Variants in SCAPER observed in about 807,000 individuals in gnomAD.
SCAPER encodes the protein S-phase cyclin A associated protein in the ER.
In SCAPER, 98 loss-of-function variants were observed where a neutral mutation model predicts 182.2. The ratio of observed to expected loss-of-function variants is 0.54; its 90% CI spans 0.46 to 0.64. The LOEUF is 0.64. Among genes scored for constraint, SCAPER ranks in the 30% least tolerant of loss-of-function variants. The pLI, the probability that SCAPER is intolerant of heterozygous loss-of-function variation, is 0.00. For synonymous variants in SCAPER, 605 were observed against 564.6 expected, an observed-to-expected ratio of 1.07 and a Z score of -1.01; for missense variants, 1,432 against 1,690.0, an observed-to-expected ratio of 0.85 and a Z score of 2.68.
chr15:76,819,656 G>A (rs535264427), intron 5 of SCAPER, among the ~76,000 whole-genome samples: 23 of 152,114 alleles, frequency 1.5e-4, no homozygotes, highest in Non-Finnish European at 2.6e-4. Context: ...AGAAAAACCG[G>A]AAACTCTAAA....
At chr15:76,651,894 AATCCAGCAGCACATTAAAAAGTT>A (rs771597963) in intron 21 of SCAPER, among the ~76,000 whole-genome samples, 72 of 152,132 alleles carry the variant, frequency 4.7e-4, no homozygotes, top group Admixed American at 7.2e-4. Context: ...TAGCAAATAA[AATCCAGCAGCACATTAAAAAGTT>A]AACACACCAC....
At chr15:76,785,442 A>C (rs1367191045) in intron 8 of SCAPER, among the ~76,000 whole-genome samples, 1 of 152,262 alleles carries the variant, frequency 6.6e-6, no homozygotes, top group Admixed American at 6.5e-5. Context: ...AGTGTAAATT[A>C]GTTCAACCAC....
chr15:76,762,862 G>A lies in SCAPER; in HGVS notation c.1725+2099C>T, dbSNP rs534148903. Among the ~76,000 whole-genome samples, 10 of 152,148 alleles carry A rather than the reference G, an allele frequency of 6.6e-5. No individual in the cohort carries two copies. In the South Asian group the frequency reaches 8.3e-4, roughly 13 times the overall value. The stretch of plus-strand genomic sequence containing the variant: ...TGTAGAGATAAAGTCTTGCTATGTC[G>A]TCCAGGCTGGTGTGAGACACCTGGC... On this transcript the variant is annotated intron_variant, in intron 14 of 31. Transcript: ENST00000563290.
At chr15:76,554,224 G>T (rs766402989) in intron 23 of SCAPER, among the ~76,000 whole-genome samples, 1 of 152,148 alleles carries the variant, frequency 6.6e-6, no homozygotes, top group Non-Finnish European at 1.5e-5. Flanking sequence ...CCAAGCTGAG[G>T]AAAGAATCTC....
chr15:76,813,249 A>AAAAAAC (rs1568220122), intron 5 of SCAPER, among the ~76,000 whole-genome samples: 5 of 60,120 alleles, frequency 8.3e-5, no homozygotes, highest in Non-Finnish European at 1.9e-4. Flanking sequence ...AAAAAAAAAA[A>AAAAAAC]AAAAAACAAC....
At chr15:76,879,968 C>T (rs954022789) in intron 2 of SCAPER, among the ~76,000 whole-genome samples, 1 of 152,090 alleles carries the variant, frequency 6.6e-6, no homozygotes, top group African/African-American at 2.4e-5. Context: ...TGGTGTCTGG[C>T]ACATAAATAT....
Position 76,833,703 on chromosome 15 carries a change from G to A in SCAPER, c.393+8031C>T, listed in dbSNP as rs192792770. ...AGCAAACAGAAAACAAAAAAAACAG[G>A]AGTTGTCGTTATTTCAGACAAAACA... On this transcript the variant is annotated intron_variant, in intron 5 of 31. Transcript: ENST00000563290. 1.1e-3 allele frequency among the ~76,000 whole-genome samples: 173 copies of A among 152,216 alleles called. 1 individual carries two copies. The highest frequency in any genetic ancestry group is 4.0e-3 in the African/African-American group (166 of 41,550).
At chr15:76,366,168 G>A (rs1175481329) in intron 29 of SCAPER, among the ~76,000 whole-genome samples, 1 of 152,056 alleles carries the variant, frequency 6.6e-6, no homozygotes, top group Non-Finnish European at 1.5e-5. Flanking sequence ...ATATGTGCAT[G>A]GAGGCACAGG....
intron 23 of SCAPER, among the ~76,000 whole-genome samples, chr15:76,561,670 T>C (rs2046633434): frequency 6.6e-6 from 1 of 151,994 alleles, no homozygotes; most frequent in South Asian, 2.1e-4. Flanking sequence ...CTCAAGAAAT[T>C]ATGCATCTAT....
At chr15:76,492,000 TTAA>T (rs1430473484) in intron 24 of SCAPER, among the ~76,000 whole-genome samples, 2 of 152,248 alleles carry the variant, frequency 1.3e-5, no homozygotes, top group Non-Finnish European at 2.9e-5. Flanking sequence ...TGTGTATTTC[TTAA>T]TGATGTTGAG....
intron 17 of SCAPER, among the ~76,000 whole-genome samples, chr15:76,706,224 CA>C (rs2059256848): frequency 6.6e-6 from 1 of 152,050 alleles, no homozygotes; most frequent in African/African-American, 2.4e-5. Flanking sequence ...AATATTAGCT[CA>C]AAGACTGTCA....
At chr15:76,849,770 T>C (rs1459600099) in intron 4 of SCAPER, among the ~76,000 whole-genome samples, 1 of 152,188 alleles carries the variant, frequency 6.6e-6, no homozygotes, top group East Asian at 1.9e-4. Context: ...CTCACGCTGC[T>C]ATGAAGAAAT....
chr15:76,647,377 A>G (rs1470387252), intron 21 of SCAPER, among the ~76,000 whole-genome samples: 4 of 152,216 alleles, frequency 2.6e-5, no homozygotes, highest in Non-Finnish European at 5.9e-5. Context: ...ATTCTTAAAT[A>G]TATGATTTTT....
At chr15:76,610,252 C>A (rs1450162088) in intron 22 of SCAPER, among the ~76,000 whole-genome samples, 1 of 152,058 alleles carries the variant, frequency 6.6e-6, no homozygotes, top group Middle Eastern at 3.2e-3. Context: ...ATCCTCTAAA[C>A]CCTAATGTCA....
In SCAPER at chr15:76,381,608, T is replaced by C; in HGVS notation, c.3475A>G (p.Ser1159Gly). ...LCFAVTGRSY[S>G]IFDNNRQDPT... ...TCCTGGCGATTATTGTCAAATATGC[T>C]GTATGACCTGACAAAGAAACATTCA... Residue 1159 changes from serine (S) to glycine (G), a missense_variant, in exon 28 of 32, where the codon AGC becomes GGC. By Grantham distance (56) the Ser-to-Gly change is moderately conservative. Coordinates refer to ENST00000563290, the MANE Select transcript of SCAPER (RefSeq NM_020843.4). 6.3e-7 allele frequency: 1 copy of C among 1,583,432 alleles called. No individual in the cohort carries two copies. Among genetic ancestry groups the C allele is most frequent in the Non-Finnish European group, 8.6e-7 (1 of 1,163,514 alleles).
At chr15:76,419,356 GA>G (rs1268023550) in intron 26 of SCAPER, among the ~76,000 whole-genome samples, 2 of 143,946 alleles carry the variant, frequency 1.4e-5, no homozygotes, top group Admixed American at 7.0e-5. Context: ...AAAAAGAAAA[GA>G]AAAAAAAGTC....
chr15:76,585,108 T>G (rs1335016449), intron 22 of SCAPER, among the ~76,000 whole-genome samples: 1 of 152,148 alleles, frequency 6.6e-6, no homozygotes. Flanking sequence ...ACCATGTGTA[T>G]AAACCCTGGG....
chr15:76,376,454 A>G lies in SCAPER; in HGVS notation c.3706-143T>C, dbSNP rs2042575361. 7.8e-6 allele frequency: 7 copies of G among 899,880 alleles called. No homozygotes were observed. In the South Asian group the frequency reaches 1.1e-4, roughly 14 times the overall value. The allele number at this position is 899,880 out of a possible 1,614,324, so 55.7% of individuals were successfully genotyped here. On this transcript the variant is annotated intron_variant, in intron 28 of 31. Coordinates refer to ENST00000563290, the MANE Select transcript of SCAPER (RefSeq NM_020843.4). ...TCTACAGTACTATGCTTAATGCTTT[A>G]GTTTAGGGGTTCTTGTTCTAATAAA...
intron 23 of SCAPER, among the ~76,000 whole-genome samples, chr15:76,552,788 G>A (rs1366655150): frequency 6.6e-6 from 1 of 151,804 alleles, no homozygotes; most frequent in Non-Finnish European, 1.5e-5. Flanking sequence ...GATGGCTTTA[G>A]CCTTTGAGAG....
Sources: gnomAD v4.1 joint callset for allele counts (sites outside exome capture counted in the v4.1 genomes callset) on GRCh38, gnomAD v4.1.1 for gene constraint, MANE v1.5 for transcripts, NCBI Gene and HGNC (gene_info 2026-07-23, HGNC 2026-07-21) for gene names.